ZNF624: variants seen among roughly 807,000 people sequenced by gnomAD.
The protein encoded by ZNF624 is zinc finger protein 624.
ZNF624 carries 43 observed loss-of-function variants against 74.7 expected under a neutral mutation model. That is an observed-to-expected ratio of 0.58 (90% CI 0.45 to 0.74). ZNF624 has a LOEUF of 0.74. Ranked by LOEUF, ZNF624 falls within the 30% of genes least tolerant of loss-of-function variation. ZNF624 has a pLI of 0.00. For synonymous variants in ZNF624, 331 were observed against 341.3 expected, an observed-to-expected ratio of 0.97 and a Z score of 0.33; for missense variants, 820 against 1,030.0, an observed-to-expected ratio of 0.80 and a Z score of 2.79.
downstream of ZNF624, chr17:16,617,402 G>A (rs1908812330): frequency 9.9e-6 from 16 of 1,613,096 alleles, no homozygotes; most frequent in Non-Finnish European, 1.4e-5. Context: ...TCCAAAGCAC[G>A]CTTCATGTCA....
downstream of ZNF624, chr17:16,617,277 T>A: frequency 1.2e-6 from 2 of 1,613,672 alleles, no homozygotes; most frequent in Non-Finnish European, 1.7e-6. Context: ...TTCGTGACCA[T>A]CTTCTAGATC....
At chr17:16,636,543 C>CA (rs1315635610) in intron 3 of ZNF624, among the ~76,000 whole-genome samples, 1 of 152,022 alleles carries the variant, frequency 6.6e-6, no homozygotes. Flanking sequence ...TTTTAAAAAT[C>CA]AAAAATCTCA....
At chr17:16,653,046 TTTAC>T (rs1413515821) in intron 1 of ZNF624, among the ~76,000 whole-genome samples, 1 of 152,366 alleles carries the variant, frequency 6.6e-6, no homozygotes, top group South Asian at 2.1e-4. Flanking sequence ...AAGGAGAAAC[TTTAC>T]TTGTTTTGCT....
chr17:16,617,684 G>A, downstream of ZNF624: 1 of 1,605,242 alleles, frequency 6.2e-7, no homozygotes, highest in South Asian at 1.1e-5. Context: ...CGTGCTCTAC[G>A]ATCACGCGCT....
At chr17:16,617,634 C>T (rs1908817414), downstream of ZNF624, 9 of 1,608,162 alleles carry the variant, frequency 5.6e-6, no homozygotes, top group South Asian at 3.3e-5. Flanking sequence ...ACGGCGGCTT[C>T]CGTAGCTGTA....
downstream of ZNF624, chr17:16,616,974 C>A (rs1015536329): frequency 1.3e-6 from 2 of 1,598,110 alleles, no homozygotes; most frequent in East Asian, 2.2e-5. Context: ...CAGGTAGCGG[C>A]GAATTGGAAC....
chr17:16,643,524 G>A (rs1439910887), intron 3 of ZNF624, among the ~76,000 whole-genome samples: 1 of 152,168 alleles, frequency 6.6e-6, no homozygotes, highest in Non-Finnish European at 1.5e-5. Flanking sequence ...TGTAAGGAGG[G>A]GGAATGGAGA....
chr17:16,651,611 G>C (rs948942858), intron 1 of ZNF624, among the ~76,000 whole-genome samples: 5 of 152,116 alleles, frequency 3.3e-5, no homozygotes, highest in African/African-American at 1.2e-4. Flanking sequence ...GGGGATTCCT[G>C]TATTGAAGCC....
At chr17:16,628,390 C>T (rs937727698) in intron 5 of ZNF624, among the ~76,000 whole-genome samples, 2 of 152,074 alleles carry the variant, frequency 1.3e-5, no homozygotes, top group African/African-American at 2.4e-5. Context: ...CAGACATAAA[C>T]TTTAAAATAA....
intron 2 of ZNF624, among the ~76,000 whole-genome samples, chr17:16,647,647 AAATAAACTTAT>A (rs1440663152): frequency 6.6e-6 from 1 of 152,236 alleles, no homozygotes; most frequent in African/African-American, 2.4e-5. Flanking sequence ...ATCAAAACAA[AAATAAACTTAT>A]AATAAAGTGC....
chr17:16,617,434 A>T (rs1908812636), downstream of ZNF624: 2 of 1,612,410 alleles, frequency 1.2e-6, no homozygotes, highest in African/African-American at 2.7e-5. Flanking sequence ...AAACTCAATT[A>T]CACCCTCATT....
downstream of ZNF624, among the ~76,000 whole-genome samples, chr17:16,619,853 T>G (rs568451560): frequency 4.6e-5 from 7 of 152,332 alleles, no homozygotes; most frequent in East Asian, 1.2e-3. Context: ...GGAGGCAGAA[T>G]GGAGGGACCA....
intron 3 of ZNF624, among the ~76,000 whole-genome samples, chr17:16,636,835 CAAAA>C (rs371820225): frequency 3.2e-5 from 4 of 125,488 alleles, no homozygotes; most frequent in African/African-American, 8.8e-5. Flanking sequence ...GACTCCGTCT[CAAAA>C]AAAAAAAAAA....
downstream of ZNF624, among the ~76,000 whole-genome samples, chr17:16,618,170 C>T (rs921705736): frequency 2.6e-5 from 4 of 151,586 alleles, no homozygotes; most frequent in African/African-American, 9.8e-5. Context: ...GAAATCCCAT[C>T]TCTACTAAAA....
In ZNF624 at chr17:16,622,408, G is replaced by C; in HGVS notation, c.2478C>G (p.His826Gln). Residue 826 changes from histidine to glutamine, a missense_variant, in exon 6 of 6, where the codon CAC (histidine) becomes CAG (glutamine). Physicochemically the swap from His to Gln is conservative, Grantham distance 24. Transcript: ENST00000311331. ...GTTTTTCTCCAGTATGCATCCTCAAGTGTACAGTAAAGTCTGAGTTAGTTC... is the reference window on the plus strand; with the variant it reads ...GTTTTTCTCCAGTATGCATCCTCAACTGTACAGTAAAGTCTGAGTTAGTTC... ...AFRTNSDFTV[H>Q]LRMHTGEKPY... The C allele has an allele frequency of 6.2e-7, 1 of 1,613,520 alleles. No homozygotes were observed. Among genetic ancestry groups the C allele is most frequent in the Non-Finnish European group, 8.5e-7 (1 of 1,179,776 alleles).
intron 1 of ZNF624, among the ~76,000 whole-genome samples, chr17:16,650,603 T>A (rs1909702167): frequency 6.6e-6 from 1 of 152,174 alleles, no homozygotes; most frequent in South Asian, 2.1e-4. Context: ...TAATGATATG[T>A]ATGGCCTTGC....
At position 16,622,501 on chromosome 17, in the gene ZNF624, T is replaced by A; in HGVS notation, c.2385A>T (p.Leu795=). ...CGKGCITLSQ[L]TLHQRIHTGE... is the part of the protein sequence containing the mutation. ...CAGTATGAATTCTCTGATGTAGGGT[T>A]AGCTGTGATAGAGTAATACAACCCT... Residue 795 remains leucine (L), a synonymous_variant, in exon 6 of 6, where the codon CTA becomes CTT. Coordinates refer to ENST00000311331, the MANE Select transcript of ZNF624 (RefSeq NM_020787.4). 1 of 1,613,886 alleles carries A rather than the reference T, an allele frequency of 6.2e-7. No individual in the cohort carries two copies.
intron 2 of ZNF624, among the ~76,000 whole-genome samples, chr17:16,648,334 T>G (rs1909642636): frequency 7.2e-6 from 1 of 138,344 alleles, no homozygotes; most frequent in African/African-American, 3.2e-5. Context: ...TTTAAAAAAA[T>G]TATGGATAAT....
At chr17:16,651,574 A>G (rs1597501213) in intron 1 of ZNF624, among the ~76,000 whole-genome samples, 1 of 152,160 alleles carries the variant, frequency 6.6e-6, no homozygotes, top group African/African-American at 2.4e-5. Flanking sequence ...GTGTGGAGAT[A>G]AAAGAGGTAA....
Sources: allele counts gnomAD v4.1 joint callset (sites outside exome capture counted in the v4.1 genomes callset), GRCh38; gene constraint gnomAD v4.1.1; transcripts MANE v1.5; gene names NCBI Gene and HGNC (gene_info 2026-07-23, HGNC 2026-07-21).